The following JPH2 variants were observed in gnomAD, a reference collection of about 807,000 sequenced individuals.
The protein encoded by JPH2 is junctophilin-2.
JPH2 carries 38 observed loss-of-function variants against 55.9 expected under a neutral mutation model. The ratio of observed to expected loss-of-function variants is 0.68; its 90% CI spans 0.52 to 0.89. The LOEUF is 0.89. JPH2 is among the 40% of genes least tolerant of loss of function. The pLI, the probability that JPH2 is intolerant of heterozygous loss-of-function variation, is 0.00. For synonymous variants in JPH2, 480 were observed against 472.4 expected (o/e 1.02, Z -0.21); for missense variants, 964 against 1,037.6 (o/e 0.93, Z 0.97).
chr20:44,123,824 G>T (rs6130535), intron 2 of JPH2, among the ~76,000 whole-genome samples: 4 of 152,030 alleles, frequency 2.6e-5, no homozygotes, highest in East Asian at 1.9e-4. Flanking sequence ...GCACGTGTTC[G>T]GCGGAGAGAA....
Position 44,186,795 on chromosome 20 carries a change from G to A in JPH2, c.-90C>T. ...TGCAACACTCCTCCAGTGCCCTCGG[G>A]GGCAGGCCCCCAGACTCACCACTGC... is the stretch of plus-strand genomic sequence containing the variant. On this transcript the variant is annotated 5_prime_UTR_variant, in exon 1 of 6. Coordinates refer to ENST00000372980, the MANE Select transcript of JPH2 (RefSeq NM_020433.5). 1.5e-6 allele frequency: 2 copies of A among 1,353,092 alleles called. No individual in the cohort carries two copies. The highest frequency in any genetic ancestry group is 1.4e-5 in the African/African-American group (1 of 70,242). The allele number at this position is 1,353,092 out of a possible 1,614,324, so 83.8% of individuals were successfully genotyped here. A position where few individuals can be genotyped will look rare whatever the true frequency, so the allele number is the denominator to read the frequency against.
At chr20:44,121,400 G>A (rs1488078888) in intron 2 of JPH2, among the ~76,000 whole-genome samples, 3 of 152,132 alleles carry the variant, frequency 2.0e-5, no homozygotes, top group African/African-American at 7.2e-5. Context: ...CGCACGGTAA[G>A]GGGGATAAAT....
At chr20:44,176,993 G>T (rs912792291) in intron 1 of JPH2, 2 of 985,444 alleles carry the variant, frequency 2.0e-6, no homozygotes, top group Non-Finnish European at 2.4e-6. Context: ...CAGGCACAAG[G>T]TGCTCATTCC....
At chr20:44,177,652 T>C in intron 1 of JPH2, 3 of 1,216,498 alleles carry the variant, frequency 2.5e-6, no homozygotes, top group Non-Finnish European at 3.1e-6. Flanking sequence ...GGTTAAATTA[T>C]GCTGATTCTA....
At chr20:44,167,310 T>C (rs2072663254) in intron 1 of JPH2, among the ~76,000 whole-genome samples, 1 of 152,358 alleles carries the variant, frequency 6.6e-6, no homozygotes, top group East Asian at 1.9e-4. Flanking sequence ...CTTGCTAAGA[T>C]GCTAAGCTCC....
intron 1 of JPH2, among the ~76,000 whole-genome samples, chr20:44,165,321 A>G (rs1124314): frequency 0.31 from 46,562 of 151,566 alleles, 7,613 homozygotes; most frequent in African/African-American, 0.42. Flanking sequence ...ACAACCCAGC[A>G]TAGCATTCTG....
At chr20:44,171,589 G>C (rs2072698949) in intron 1 of JPH2, among the ~76,000 whole-genome samples, 2 of 152,008 alleles carry the variant, frequency 1.3e-5, no homozygotes, top group African/African-American at 4.8e-5. Flanking sequence ...CTCTGAGTCT[G>C]TGCTCCAGCC....
Position 44,146,429 on chromosome 20 carries a change from C to T in JPH2, c.1169+13189G>A, listed in dbSNP as rs151297914. Among the ~76,000 whole-genome samples, 639 of 152,262 alleles carry T rather than the reference C, an allele frequency of 4.2e-3. 14 individuals are homozygous for T. Among genetic ancestry groups the T allele is most frequent in the East Asian group, 0.03 (155 of 5,166 alleles). On this transcript the variant is annotated intron_variant, in intron 2 of 5. Coordinates refer to ENST00000372980, the MANE Select transcript of JPH2 (RefSeq NM_020433.5). The stretch of plus-strand genomic sequence containing the variant: ...CACTCAGCCTTCCAGTCACAGCTGC[C>T]TCATGTATGTCTCGAGAATCCGGCT...
rs749392070 is a variant in JPH2 at position 44,116,016 on chromosome 20, C to T, written c.1659G>A (p.Ala553=). The T allele has an allele frequency of 4.4e-6, 7 of 1,581,092 alleles. No individual in the cohort carries two copies. The highest frequency in any genetic ancestry group is 1.1e-5 in the South Asian group (1 of 88,828). ...GCGCCACCTCCGGCTCCCGCGACGG[C>T]GCAGGCGGTGCCTGCAGAGCCTCGA... ...MAIEALQAPP[A]PSREPEVALY... The change falls in exon 4 of 6, where the codon GCG becomes GCA. Residue 553 remains alanine (A), a synonymous_variant. Transcript: ENST00000372980.
chr20:44,152,370 G>C (rs547288956), intron 2 of JPH2, among the ~76,000 whole-genome samples: 1 of 152,272 alleles, frequency 6.6e-6, no homozygotes, highest in Non-Finnish European at 1.5e-5. Flanking sequence ...GTTGTTTTGA[G>C]GATTAAGTAA....
In JPH2 at chr20:44,111,110, CCT is replaced by C. The variant is rs1464130647; in HGVS notation, c.*2406_*2407del. Among the ~76,000 whole-genome samples, 5 of 152,208 alleles carry C rather than the reference CCT, an allele frequency of 3.3e-5. No homozygotes were observed. The highest frequency in any genetic ancestry group is 1.2e-4 in the African/African-American group (5 of 41,452). ...CTTGGGCAAGTCCCTCTGCTCTAAG[CCT>C]CTGTGGAATGTGGCGATCCCCTCAG... On this transcript the variant is annotated 3_prime_UTR_variant, in exon 6 of 6. Transcript: ENST00000372980.
intron 1 of JPH2, among the ~76,000 whole-genome samples, chr20:44,183,140 C>T (rs888845225): frequency 9.2e-5 from 14 of 152,170 alleles, no homozygotes; most frequent in African/African-American, 2.2e-4. Flanking sequence ...AGACATTCTA[C>T]GCATGCCTAC....
In JPH2 at chr20:44,114,873, G is replaced by C; in HGVS notation, c.2014C>G (p.Pro672Ala). 6.2e-7 allele frequency: 1 copy of C among 1,600,586 alleles called. No homozygotes were observed. Among genetic ancestry groups the C allele is most frequent in the Non-Finnish European group, 8.5e-7 (1 of 1,174,420 alleles). The change falls in exon 5 of 6, where the codon CCC becomes GCC. Residue 672 changes from proline to alanine, a missense_variant. Physicochemically the swap from Pro to Ala is conservative, Grantham distance 27. Transcript: ENST00000372980. ...ACCATGCAGATGAGGATGGTGTTGGGGACCTGGGAGCAGTGGAGAGAGGCT... is the reference window on the plus strand; with the variant it reads ...ACCATGCAGATGAGGATGGTGTTGGCGACCTGGGAGCAGTGGAGAGAGGCT... ...AEAEVEVEEV[P>A]NTILICMVIL...
At chr20:44,182,449 G>C (rs1374582924) in intron 1 of JPH2, among the ~76,000 whole-genome samples, 1 of 152,148 alleles carries the variant, frequency 6.6e-6, no homozygotes, top group Non-Finnish European at 1.5e-5. Context: ...CAGGGCTTCT[G>C]GTCACCTGGC....
chr20:44,146,076 C>A (rs922709134), intron 2 of JPH2, among the ~76,000 whole-genome samples: 1 of 151,272 alleles, frequency 6.6e-6, no homozygotes, highest in Admixed American at 6.6e-5. Flanking sequence ...CTCGGTTGCC[C>A]AGGCTACAGT....
rs777856415 is a variant in JPH2 at position 44,160,402 on chromosome 20, A to C, written c.385T>G (p.Tyr129Asp). 15 of 1,609,006 alleles carry C rather than the reference A, an allele frequency of 9.3e-6. No homozygotes were observed. Among genetic ancestry groups the C allele is most frequent in the Non-Finnish European group, 1.3e-5 (15 of 1,178,546 alleles). The part of the protein sequence containing the change: ...GTETYADGGT[Y>D]QGQFTNGMRH... ...ATGCCGTTGGTGAACTGGCCTTGGT[A>C]CGTCCCTGCGGGCGAGGAGAGGGCG... Residue 129 changes from tyrosine to aspartate, a missense_variant, in exon 2 of 6, where the codon TAC (tyrosine) becomes GAC (aspartate). Coordinates refer to ENST00000372980, the MANE Select transcript of JPH2 (RefSeq NM_020433.5). This position sits in a 1 kb window ranked among gnomAD's most constrained non-coding sequence, Gnocchi z 4.9.
chr20:44,114,507 C>A lies in JPH2; in HGVS notation c.*14+275G>T, dbSNP rs1423192114. Among the ~76,000 whole-genome samples, 5 of 152,046 alleles carry A rather than the reference C, an allele frequency of 3.3e-5. No homozygotes were observed. The East Asian group carries it at 9.7e-4, about 29-fold the overall frequency. On this transcript the variant is annotated intron_variant, in intron 5 of 5. Transcript: ENST00000372980. Reference sequence around the variant, plus strand: ...TGGCCAAATGAATGAGTGAATGAAGCCCTCAGTGCTCACCTGACAGAGAGC... The same window carrying A: ...TGGCCAAATGAATGAGTGAATGAAGACCTCAGTGCTCACCTGACAGAGAGC...
In JPH2 at chr20:44,187,076, TC is replaced by T. The variant is rs2072854933; in HGVS notation, c.-372del. On this transcript the variant is annotated 5_prime_UTR_variant, in exon 1 of 6. Coordinates refer to ENST00000372980, the MANE Select transcript of JPH2 (RefSeq NM_020433.5). ...CCAGTGAAAGGGTGGGGTGGAGGGG[TC>T]CCCAGCCTTTTCAAAGAGGGGAAAT... 9.1e-6 allele frequency: 2 copies of T among 218,912 alleles called. No homozygotes were observed. The highest frequency in any genetic ancestry group is 5.4e-5 in the Admixed American group (1 of 18,682). The allele number at this position is 218,912 out of a possible 1,614,324, so 13.6% of individuals were successfully genotyped here.
intron 2 of JPH2, among the ~76,000 whole-genome samples, chr20:44,129,558 A>C (rs866031493): frequency 1.7e-5 from 2 of 117,398 alleles, no homozygotes; most frequent in Middle Eastern, 4.2e-3. Flanking sequence ...GTCTCAAAAA[A>C]AAAAAAAAAA....
Sources: allele counts gnomAD v4.1 joint callset (sites outside exome capture counted in the v4.1 genomes callset), GRCh38; gene constraint gnomAD v4.1.1; non-coding constraint Gnocchi (gnomAD v3.1); transcripts MANE v1.5; gene names NCBI Gene and HGNC (gene_info 2026-07-23, HGNC 2026-07-21).